The following CSMD1 variants were observed in gnomAD, a reference collection of about 807,000 sequenced individuals.
The protein encoded by CSMD1 is CUB and Sushi multiple domains 1.
Under a neutral mutation model 417.5 loss-of-function variants are expected in CSMD1, and 213 were observed. The ratio of observed to expected loss-of-function variants is 0.51; its 90% confidence interval spans 0.46 to 0.57. The LOEUF (loss-of-function observed/expected upper bound fraction) is 0.57, where lower values mean the gene tolerates loss of function less well. Ranked by LOEUF, CSMD1 falls within the 20% of genes least tolerant of loss-of-function variation. The probability of loss-of-function intolerance (pLI) is 0.00; values close to 1 mark genes in which losing one functional copy is unlikely to be tolerated. For missense variants in CSMD1, 6,923 were observed against 4,529.7 expected (o/e 1.53, Z -15.17); for synonymous variants, 2,862 against 1,736.8 (o/e 1.65, Z -16.11).
chr8:3,275,419 T>C (rs2117180602), intron 26 of CSMD1, among the ~76,000 whole-genome samples: 1 of 152,292 alleles, frequency 6.6e-6, no homozygotes, highest in South Asian at 2.1e-4. Flanking sequence ...GGTGTTGCTC[T>C]TCTCGAGGAG....
At chr8:4,291,696 T>C (rs994912976) in intron 3 of CSMD1, among the ~76,000 whole-genome samples, 1 of 152,140 alleles carries the variant, frequency 6.6e-6, no homozygotes, top group African/African-American at 2.4e-5. Flanking sequence ...ATTCAACGGG[T>C]GGTAAAATTC....
At chr8:4,522,797 A>G (rs1803540735) in intron 2 of CSMD1, among the ~76,000 whole-genome samples, 1 of 152,092 alleles carries the variant, frequency 6.6e-6, no homozygotes, top group African/African-American at 2.4e-5. Flanking sequence ...TGTGGCAAGG[A>G]CTGCAGAAAT....
chr8:3,215,130 G>T (rs1246162527), intron 29 of CSMD1, among the ~76,000 whole-genome samples: 2 of 152,174 alleles, frequency 1.3e-5, no homozygotes, highest in Admixed American at 6.5e-5. Context: ...AAAGACTGGA[G>T]AATTTGGCTT....
At chr8:4,047,545 C>A (rs2740896) in intron 3 of CSMD1, among the ~76,000 whole-genome samples, 37,276 of 150,454 alleles carry the variant, frequency 0.25, 5,807 homozygotes, top group East Asian at 0.6. Flanking sequence ...TCATTCATTC[C>A]ACAAATATTT....
intron 1 of CSMD1, among the ~76,000 whole-genome samples, chr8:4,887,325 G>T (rs934593612): frequency 2.0e-5 from 3 of 152,016 alleles, no homozygotes; most frequent in African/African-American, 4.8e-5. Flanking sequence ...ATGTGTTAAA[G>T]AACATATTTT....
At position 4,232,169 on chromosome 8, in the gene CSMD1, A is replaced by T. The variant is rs1400893709; in HGVS notation, c.415+187784T>A. On this transcript the variant is annotated intron_variant, in intron 3 of 69. Coordinates refer to ENST00000635120, the MANE Select transcript of CSMD1 (RefSeq NM_033225.6). The stretch of plus-strand genomic sequence containing the variant: ...TTTCTAAACTTCAAAATCCAAGTGT[A>T]TTGAGAAACACTTGTCCTTTATTTA... Among the ~76,000 whole-genome samples, 3 of 152,166 alleles carry T rather than the reference A, an allele frequency of 2.0e-5. No homozygotes were observed. The East Asian group carries it at 5.8e-4, about 29-fold the overall frequency.
At chr8:3,137,848 G>C (rs558214821) in intron 41 of CSMD1, among the ~76,000 whole-genome samples, 181 of 152,304 alleles carry the variant, frequency 1.2e-3, no homozygotes, top group African/African-American at 4.2e-3. Context: ...TGGATGCAGA[G>C]GGCTGACTGT....
intron 20 of CSMD1, among the ~76,000 whole-genome samples, chr8:3,365,638 G>A (rs918502294): frequency 9.9e-5 from 15 of 152,208 alleles, no homozygotes; most frequent in Admixed American, 4.6e-4. Context: ...GGTATATCAT[G>A]AAAGCACAAA....
intron 2 of CSMD1, among the ~76,000 whole-genome samples, chr8:4,489,858 G>C (rs1036185829): frequency 6.6e-6 from 1 of 152,112 alleles, no homozygotes; most frequent in Non-Finnish European, 1.5e-5. Context: ...CGTAAGCAGG[G>C]TGCCCAGCCA....
intron 3 of CSMD1, among the ~76,000 whole-genome samples, chr8:4,306,549 T>A (rs973630815): frequency 3.9e-5 from 6 of 152,294 alleles, no homozygotes; most frequent in Non-Finnish European, 7.4e-5. Flanking sequence ...ATTTTCTTCC[T>A]TATGCAAAAA....
intron 49 of CSMD1, among the ~76,000 whole-genome samples, chr8:3,055,141 T>G (rs1812131133): frequency 6.6e-6 from 1 of 152,094 alleles, no homozygotes; most frequent in Admixed American, 6.5e-5. Context: ...TCGGACGAAA[T>G]GGGAAAGATG....
At chr8:3,699,689 G>C (rs1043506948) in intron 7 of CSMD1, among the ~76,000 whole-genome samples, 3 of 152,194 alleles carry the variant, frequency 2.0e-5, no homozygotes, top group Non-Finnish European at 4.4e-5. Flanking sequence ...AACACTATAA[G>C]ACTATAATTT....
At chr8:3,007,766 C>T (rs1216044389) in intron 52 of CSMD1, among the ~76,000 whole-genome samples, 10 of 114,258 alleles carry the variant, frequency 8.8e-5, no homozygotes, top group Admixed American at 5.2e-4. Context: ...CTCTGGGGAC[C>T]GCTGTGGGGT....
At chr8:3,935,242 G>C (rs148137841) in intron 5 of CSMD1, among the ~76,000 whole-genome samples, 1 of 152,098 alleles carries the variant, frequency 6.6e-6, no homozygotes, top group African/African-American at 2.4e-5. Context: ...TTAAAATGTA[G>C]AAGAACAGAA....
At chr8:4,446,187 C>G (rs532024178) in intron 2 of CSMD1, among the ~76,000 whole-genome samples, 2 of 152,270 alleles carry the variant, frequency 1.3e-5, no homozygotes, top group African/African-American at 4.8e-5. Flanking sequence ...ATCAAAGAAA[C>G]AAAAGACATT....
chr8:3,585,254 T>C (rs1800550426), intron 9 of CSMD1, among the ~76,000 whole-genome samples: 1 of 152,212 alleles, frequency 6.6e-6, no homozygotes, highest in Admixed American at 6.5e-5. Context: ...CTATGCTTGT[T>C]GTACCTTTTT....
At chr8:3,241,127 G>A (rs1043001619) in intron 26 of CSMD1, among the ~76,000 whole-genome samples, 5 of 151,674 alleles carry the variant, frequency 3.3e-5, no homozygotes, top group Admixed American at 1.3e-4. Flanking sequence ...GCGGCAATGA[G>A]ATGTAGCTGT....
intron 1 of CSMD1, among the ~76,000 whole-genome samples, chr8:4,798,213 C>T (rs1798085871): frequency 6.6e-6 from 1 of 152,092 alleles, no homozygotes; most frequent in African/African-American, 2.4e-5. Flanking sequence ...CTTCTTGTGT[C>T]CAAGTGTTCT....
At position 2,989,090 on chromosome 8, in the gene CSMD1, C is replaced by A. The variant is rs539712335; in HGVS notation, c.8377+8921G>T. 2.6e-5 allele frequency among the ~76,000 whole-genome samples: 4 copies of A among 152,346 alleles called. No homozygotes were observed. The East Asian group carries it at 7.7e-4, about 29-fold the overall frequency. On this transcript the variant is annotated intron_variant, in intron 54 of 69. Coordinates refer to ENST00000635120, the MANE Select transcript of CSMD1 (RefSeq NM_033225.6). ...GACAACAGCACATTTATGTGAGATA[C>A]AACAGCCTACAACTCTTGTGAGAAT... is the stretch of plus-strand genomic sequence containing the variant.
Sources: allele counts gnomAD v4.1 joint callset (sites outside exome capture counted in the v4.1 genomes callset), GRCh38; gene constraint gnomAD v4.1.1; transcripts MANE v1.5; gene names NCBI Gene and HGNC (gene_info 2026-07-23, HGNC 2026-07-21).